The following FAM120A variants were observed in gnomAD, a reference collection of about 807,000 sequenced individuals.
FAM120A encodes the protein constitutive coactivator of PPAR-gamma-like protein 1.
A neutral mutation model predicts 109.7 loss-of-function variants in FAM120A; 15 were observed. That is an observed-to-expected ratio of 0.14 (90% CI 0.09 to 0.21). The LOEUF (loss-of-function observed/expected upper bound fraction) is 0.21, where lower values mean the gene tolerates loss of function less well. Among genes scored for constraint, FAM120A ranks in the 10% least tolerant of loss-of-function variants. FAM120A has a pLI of 1.00. For synonymous variants in FAM120A, 493 were observed against 572.8 expected (o/e 0.86, Z 1.99); for missense variants, 899 against 1,439.3 (o/e 0.62, Z 6.07).
chr9:93,532,564 A>G lies in FAM120A; in HGVS notation c.1909+235A>G. 1 of 528,456 alleles carries G rather than the reference A, an allele frequency of 1.9e-6. No individual in the cohort carries two copies. The highest frequency in any genetic ancestry group is 3.4e-6 in the Non-Finnish European group (1 of 293,964). The allele number at this position is 528,456 out of a possible 1,614,324, so 32.7% of individuals were successfully genotyped here. A position where few individuals can be genotyped will look rare whatever the true frequency, so the allele number is the denominator to read the frequency against. ...AATGATGTTTATTCAGTAAAATAAT[A>G]AAACAGGTTTACACTTTAAAGTGAA... On this transcript the variant is annotated intron_variant, in intron 10 of 17. Transcript: ENST00000277165. The surrounding 1 kb of genome is among the most constrained non-coding windows in gnomAD (Gnocchi z 4.3).
At chr9:93,507,556 T>C (rs1392614088) in intron 5 of FAM120A, among the ~76,000 whole-genome samples, 1 of 152,022 alleles carries the variant, frequency 6.6e-6, no homozygotes, top group African/African-American at 2.4e-5. Flanking sequence ...TGAGAGGAGC[T>C]GTGGTGGTGG....
At position 93,557,986 on chromosome 9, in the gene FAM120A, C is replaced by A; in HGVS notation, c.2644C>A (p.Gln882Lys). Residue 882 changes from glutamine (Q) to lysine (K), a missense_variant, in exon 14 of 18, where the codon CAG becomes AAG. Gln to Lys is a moderately conservative substitution (Grantham distance 53). Coordinates refer to ENST00000277165, the MANE Select transcript of FAM120A (RefSeq NM_014612.5). ...GCACTTTGGGCCTGTCCCACCCTCT[C>A]AGGGCAGGGGCAGAGGCTTTGCAGG... is the stretch of plus-strand genomic sequence containing the variant. ...PRHFGPVPPS[Q>K]GRGRGFAGVC... 6.2e-7 allele frequency: 1 copy of A among 1,600,388 alleles called. No homozygotes were observed. The highest frequency in any genetic ancestry group is 1.1e-5 in the South Asian group (1 of 90,648).
At chr9:93,509,413 A>G (rs529982962) in intron 5 of FAM120A, among the ~76,000 whole-genome samples, 1 of 152,204 alleles carries the variant, frequency 6.6e-6, no homozygotes, top group Non-Finnish European at 1.5e-5. Context: ...GAAGCTGGTG[A>G]TGACTTTCTT....
In FAM120A at chr9:93,503,413, G is replaced by A. The variant is rs146085368; in HGVS notation, c.1030+4527G>A. 5.3e-3 allele frequency among the ~76,000 whole-genome samples: 811 copies of A among 152,226 alleles called. 34 individuals carry two copies. The highest frequency in any genetic ancestry group is 0.05 in the Admixed American group (759 of 15,272). ...AATAATCAACACTAAAAAGCAATGC[G>A]CTATCAAGCCATGAAAAGATGCAGA... On this transcript the variant is annotated intron_variant, in intron 5 of 17. Coordinates refer to ENST00000277165, the MANE Select transcript of FAM120A (RefSeq NM_014612.5).
At chr9:93,527,888 G>T (rs1409981121) in intron 8 of FAM120A, among the ~76,000 whole-genome samples, 1 of 152,024 alleles carries the variant, frequency 6.6e-6, no homozygotes, top group Non-Finnish European at 1.5e-5. Flanking sequence ...CTCCCAAAGT[G>T]CTGGGATTAT....
At chr9:93,453,581 T>TA (rs1857393932) in intron 1 of FAM120A, 1 of 985,300 alleles carries the variant, frequency 1.0e-6, no homozygotes, top group Non-Finnish European at 1.2e-6. Context: ...TAGTTAAGCC[T>TA]AAAATGATAG....
chr9:93,490,809 T>A (rs146744908), intron 3 of FAM120A, among the ~76,000 whole-genome samples: 1 of 152,340 alleles, frequency 6.6e-6, no homozygotes, highest in Non-Finnish European at 1.5e-5. Flanking sequence ...AAGACGCCCC[T>A]TGAGTGCCTG....
intron 5 of FAM120A, among the ~76,000 whole-genome samples, chr9:93,514,444 T>G (rs1034550704): frequency 6.6e-6 from 1 of 152,212 alleles, no homozygotes; most frequent in Non-Finnish European, 1.5e-5. Flanking sequence ...TGGGCTTGGT[T>G]TTCTTCCACA....
At chr9:93,518,656 C>T (rs546030903) in intron 7 of FAM120A, among the ~76,000 whole-genome samples, 1 of 152,230 alleles carries the variant, frequency 6.6e-6, no homozygotes, top group African/African-American at 2.4e-5. Context: ...CTGACGAGTG[C>T]GTGAAGAAGA....
intron 1 of FAM120A, among the ~76,000 whole-genome samples, chr9:93,460,020 A>C (rs1857719928): frequency 6.6e-6 from 1 of 152,232 alleles, no homozygotes; most frequent in Non-Finnish European, 1.5e-5. Flanking sequence ...ATCAAAATAC[A>C]CGCAGGTATA....
chr9:93,453,544 C>G, intron 1 of FAM120A: 3 of 985,412 alleles, frequency 3.0e-6, no homozygotes, highest in Non-Finnish European at 3.6e-6. Context: ...TTCGCGGTTG[C>G]CCCCACTGCC....
chr9:93,514,282 C>T (rs1392401144), intron 5 of FAM120A, among the ~76,000 whole-genome samples: 1 of 152,194 alleles, frequency 6.6e-6, no homozygotes, highest in Non-Finnish European at 1.5e-5. Context: ...CACCTAGTCT[C>T]TCTGCCTAGA....
chr9:93,552,027 T>C (rs983107362), intron 12 of FAM120A, among the ~76,000 whole-genome samples: 10 of 152,186 alleles, frequency 6.6e-5, no homozygotes, highest in African/African-American at 2.4e-4. Flanking sequence ...TCGTCACAGA[T>C]TGTGCTTCAG....
rs1857304211 is a variant in FAM120A, at chr9:93,452,579, C to G, written c.474+190C>G. The G allele has an allele frequency of 5.0e-6, 8 of 1,595,904 alleles. No homozygotes were observed. The highest frequency in any genetic ancestry group is 5.9e-6 in the Non-Finnish European group (7 of 1,178,228). ...CCGCGGGTGCAGGCCGCGCGCTGCC[C>G]AAGCCCGTCTCCAGCTGTCCCTGTT... On this transcript the variant is annotated intron_variant, in intron 1 of 17. Coordinates refer to ENST00000277165, the MANE Select transcript of FAM120A (RefSeq NM_014612.5). This position sits in a 1 kb window ranked among gnomAD's most constrained non-coding sequence, Gnocchi z 7.0.
rs761530286 is a variant in FAM120A, at chr9:93,550,659, C to T, written c.2242C>T (p.Leu748Phe). The change falls in exon 12 of 18, where the codon CTC (leucine) becomes TTC (phenylalanine). Residue 748 changes from leucine (L) to phenylalanine (F), a missense_variant. By Grantham distance (22) the Leu-to-Phe change is conservative. This residue lies in a region of FAM120A where 52 missense variants were observed against 49.7 expected (regional missense o/e 1.05). Transcript: ENST00000277165. ...CCTGGCTCAGGCGCTGTCCCCCAAACTCTACGAGCCTGATCAGCTCCAGGA... is the reference window on the plus strand; with the variant it reads ...CCTGGCTCAGGCGCTGTCCCCCAAATTCTACGAGCCTGATCAGCTCCAGGA... ...AFLAQALSPK[L>F]YEPDQLQELK... The T allele has an allele frequency of 1.5e-5, 24 of 1,613,978 alleles. No homozygotes were observed. The highest frequency in any genetic ancestry group is 2.0e-5 in the Non-Finnish European group (24 of 1,180,016).
intron 1 of FAM120A, chr9:93,453,414 T>C (rs1857381424): frequency 1.0e-6 from 1 of 985,464 alleles, no homozygotes; most frequent in Non-Finnish European, 1.2e-6. Context: ...TTTCATTGGT[T>C]TTCTTGAAAA....
intron 10 of FAM120A, among the ~76,000 whole-genome samples, chr9:93,539,670 A>G (rs1183544499): frequency 1.3e-5 from 2 of 152,202 alleles, no homozygotes; most frequent in Non-Finnish European, 2.9e-5. Flanking sequence ...AAAAACTCAG[A>G]TTACTTTCTG....
At position 93,500,735 on chromosome 9, in the gene FAM120A, C is replaced by G. The variant is rs1052966840; in HGVS notation, c.1030+1849C>G. Reference sequence around the variant, plus strand: ...GGAGACTAGCTGTATACTGTTTCATCAGTTAAGGTGAGGCATTATGGGACC... The same window carrying G: ...GGAGACTAGCTGTATACTGTTTCATGAGTTAAGGTGAGGCATTATGGGACC... On this transcript the variant is annotated intron_variant, in intron 5 of 17. Coordinates refer to ENST00000277165, the MANE Select transcript of FAM120A (RefSeq NM_014612.5). This position sits in a 1 kb window ranked among gnomAD's most constrained non-coding sequence, Gnocchi z 4.6. 1.3e-5 allele frequency among the ~76,000 whole-genome samples: 2 copies of G among 152,160 alleles called. No homozygotes were observed. The highest frequency in any genetic ancestry group is 4.8e-5 in the African/African-American group (2 of 41,446).
At chr9:93,552,149 C>T (rs1278534857) in intron 12 of FAM120A, among the ~76,000 whole-genome samples, 1 of 152,134 alleles carries the variant, frequency 6.6e-6, no homozygotes, top group African/African-American at 2.4e-5. Flanking sequence ...AAAATCAGAC[C>T]GCCAGGTATC....
Sources: allele counts gnomAD v4.1 joint callset (sites outside exome capture counted in the v4.1 genomes callset), GRCh38; gene constraint gnomAD v4.1.1; regional missense constraint gnomAD v4.1.1; non-coding constraint Gnocchi (gnomAD v3.1); transcripts MANE v1.5; gene names NCBI Gene and HGNC (gene_info 2026-07-23, HGNC 2026-07-21).